The following WFDC5 variants were observed in gnomAD, a reference collection of about 807,000 sequenced individuals.
WFDC5 encodes the protein WAP four-disulfide core domain 5, also known as WAP four-disulfide core domain protein 5.
WFDC5 carries 15 observed loss-of-function variants against 15.7 expected under a neutral mutation model. That is an observed-to-expected ratio of 0.96 (90% CI 0.64 to 1.47). WFDC5 has a LOEUF of 1.47. Ranked by LOEUF, WFDC5 falls within the 40% of genes most tolerant of loss-of-function variation. WFDC5 has a pLI of 0.00. For synonymous variants in WFDC5, 109 were observed against 107.7 expected (o/e 1.01, Z -0.07); for missense variants, 280 against 258.0 (o/e 1.09, Z -0.59).
intron 1 of WFDC5, among the ~76,000 whole-genome samples, chr20:45,113,098 A>G (rs545613845): frequency 7.2e-5 from 11 of 152,206 alleles, no homozygotes; most frequent in Non-Finnish European, 1.0e-4. Context: ...ACAGACACAT[A>G]TATCTTCCCA....
Position 45,109,752 on chromosome 20 carries a change from G to A in WFDC5, c.655C>T (p.Arg219Ter), listed in dbSNP as rs571401508. The A allele has an allele frequency of 3.8e-5, 27 of 719,266 alleles. No homozygotes were observed. Among genetic ancestry groups the A allele is most frequent in the South Asian group, 1.8e-4 (12 of 67,646 alleles). 44.6% of individuals were successfully genotyped at this position (719,266 alleles called of 1,614,324 possible). The change falls in exon 4 of 4, where the codon CGA becomes TGA. Residue 219 changes from arginine (R) to a stop codon, truncating the protein, a stop_gained. Transcript: ENST00000307971. LOFTEE classifies it low-confidence loss of function (END_TRUNC). ...AAGCGTTAGGAAGGGTGGGAAGCTC[G>A]TATGGCAGTGGTGCAGAGTACTGGG...
chr20:45,115,227 G>A, upstream of WFDC5: 1 of 696,238 alleles, frequency 1.4e-6, no homozygotes, highest in East Asian at 2.7e-5. Flanking sequence ...ACCCCCTGAG[G>A]GCCCGAGGAC....
chr20:45,112,186 T>C (rs1168936073), intron 1 of WFDC5, among the ~76,000 whole-genome samples: 4 of 150,792 alleles, frequency 2.7e-5, no homozygotes, highest in South Asian at 2.1e-4. Flanking sequence ...GATGGGAGGG[T>C]TCCTGGGAAA....
chr20:45,115,506 G>A (rs543330144), upstream of WFDC5, among the ~76,000 whole-genome samples: 30 of 152,298 alleles, frequency 2.0e-4, 1 homozygote, highest in South Asian at 5.4e-3. Context: ...AGGAGTGGGG[G>A]TTTGCAGAGT....
At chr20:45,113,266 A>G (rs1981670327) in intron 1 of WFDC5, among the ~76,000 whole-genome samples, 1 of 152,174 alleles carries the variant, frequency 6.6e-6, no homozygotes, top group African/African-American at 2.4e-5. Context: ...ACAGGCAACA[A>G]ACTGAGACTT....
chr20:45,110,009 T>C, exon 4 of WFDC5: 1 of 1,613,298 alleles, frequency 6.2e-7, no homozygotes, highest in Non-Finnish European at 8.5e-7. Flanking sequence ...TAAATCAGAA[T>C]TAGCCTGAGG....
In WFDC5 at chr20:45,110,448, G is replaced by A. The variant is rs760078081; in HGVS notation, c.319C>T (p.Arg107Ter). The A allele has an allele frequency of 5.0e-6, 8 of 1,613,416 alleles. No individual in the cohort carries two copies. Among genetic ancestry groups the A allele is most frequent in the East Asian group, 2.2e-5 (1 of 44,870 alleles). ...CGCCCGCAGGCGCTGTGGCAGCATC[G>A]CTTTTTGCCCGAGCAGTCTGAGTCC... Residue 107 changes from arginine to a stop codon, truncating the protein, a stop_gained, in exon 3 of 4, where the codon CGA becomes TGA. Coordinates refer to ENST00000307971, the Ensembl canonical transcript of WFDC5. LOFTEE classifies it high-confidence loss of function.
chr20:45,110,743 G>T (rs1310334769), exon 2 of WFDC5: 2 of 1,614,146 alleles, frequency 1.2e-6, no homozygotes, highest in East Asian at 4.5e-5. Context: ...AGGAGGCAGG[G>T]CCCATCATCT....
chr20:45,115,059 G>T (rs780798494), exon 1 of WFDC5: 6 of 1,613,322 alleles, frequency 3.7e-6, no homozygotes, highest in Non-Finnish European at 2.5e-6. Flanking sequence ...AGGGCCCCCA[G>T]GAGGAGAAGG....
At chr20:45,111,280 G>GCC (rs1209786167) in intron 1 of WFDC5, among the ~76,000 whole-genome samples, 2 of 115,834 alleles carry the variant, frequency 1.7e-5, no homozygotes, top group Non-Finnish European at 3.7e-5. Context: ...CTAGGTCAGC[G>GCC]CCCCCCCACC....
chr20:45,115,470 G>A (rs150871951), upstream of WFDC5, among the ~76,000 whole-genome samples: 7 of 152,278 alleles, frequency 4.6e-5, no homozygotes, highest in East Asian at 3.9e-4. Context: ...TCTAGGCAGC[G>A]GGTAGAGGTC....
At chr20:45,115,695 C>A (rs1568799940), upstream of WFDC5, among the ~76,000 whole-genome samples, 1 of 152,162 alleles carries the variant, frequency 6.6e-6, no homozygotes, top group Non-Finnish European at 1.5e-5. Flanking sequence ...GATAGAACTG[C>A]CCTCTTCCTG....
chr20:45,110,549 C>G lies in WFDC5; in HGVS notation c.227-9G>C. ...GCAGCTGCCCAGCTTCACTGCAACA[C>G]AGGGAACTGGGTGAGCTCCGTCCTT... On this transcript the variant is annotated splice_polypyrimidine_tract_variant and intron_variant, in intron 2 of 3. Transcript: ENST00000307971. 2.5e-6 allele frequency: 4 copies of G among 1,614,168 alleles called. No homozygotes were observed. Among genetic ancestry groups the G allele is most frequent in the Non-Finnish European group, 3.4e-6 (4 of 1,180,010 alleles).
chr20:45,114,752 A>T (rs951663240), intron 1 of WFDC5, among the ~76,000 whole-genome samples: 5 of 151,994 alleles, frequency 3.3e-5, no homozygotes, highest in Admixed American at 6.5e-5. Context: ...GCACCGAGAA[A>T]CTGGCAGAAA....
intron 1 of WFDC5, among the ~76,000 whole-genome samples, chr20:45,113,547 G>A (rs1169272533): frequency 1.3e-5 from 2 of 152,206 alleles, no homozygotes; most frequent in Non-Finnish European, 2.9e-5. Flanking sequence ...TGTGCTTACT[G>A]TGTGCCAGGC....
chr20:45,112,384 A>G (rs1344504401), intron 1 of WFDC5, among the ~76,000 whole-genome samples: 1 of 152,170 alleles, frequency 6.6e-6, no homozygotes, highest in African/African-American at 2.4e-5. Context: ...GGGATGGGGC[A>G]TGACAGCTGG....
intron 3 of WFDC5, 174 bp downstream of exon 3, chr20:45,110,226 G>GGGTCC: frequency 8.0e-7 from 1 of 1,256,906 alleles, no homozygotes; most frequent in African/African-American, 1.5e-5. Flanking sequence ...AAGGACTCCC[G>GGGTCC]GGTCCTCTGT....
chr20:45,110,575 GC>G (rs1412109848), intron 2 of WFDC5, 35 bp from the exon 3 acceptor site: 16 of 1,613,978 alleles, frequency 9.9e-6, no homozygotes, highest in Non-Finnish European at 1.3e-5. Flanking sequence ...CTCCGTCCTT[GC>G]CCACTGGCCC....
exon 4 of WFDC5, chr20:45,109,746 A>G (rs1436047394): frequency 1.4e-6 from 1 of 718,760 alleles, no homozygotes; most frequent in Non-Finnish European, 2.6e-6. Flanking sequence ...GAAGGGTGGG[A>G]AGCTCGTATG....
Sources: allele counts gnomAD v4.1 joint callset (sites outside exome capture counted in the v4.1 genomes callset), GRCh38; gene constraint gnomAD v4.1.1; transcripts MANE v1.5; gene names NCBI Gene and HGNC (gene_info 2026-07-23, HGNC 2026-07-21).